PTPRT: variants seen among roughly 807,000 people sequenced by gnomAD.
PTPRT encodes the protein protein tyrosine phosphatase receptor type T, also known as receptor-type tyrosine-protein phosphatase T.
In PTPRT, 56 loss-of-function variants were observed where a neutral mutation model predicts 176.8. That is an observed-to-expected ratio of 0.32 (90% CI 0.26 to 0.40). PTPRT has a LOEUF of 0.40. Among genes scored for constraint, PTPRT ranks in the 10% least tolerant of loss-of-function variants. PTPRT has a pLI of 1.00. For synonymous variants in PTPRT, 783 were observed against 739.0 expected (o/e 1.06, Z -0.96); for missense variants, 1,540 against 1,908.2 (o/e 0.81, Z 3.60).
intron 2 of PTPRT, among the ~76,000 whole-genome samples, chr20:42,829,408 G>A (rs559326857): frequency 3.3e-5 from 5 of 152,328 alleles, no homozygotes; most frequent in African/African-American, 1.2e-4. Context: ...ATGCTGGAAT[G>A]AGATAAGACT....
At chr20:42,281,759 T>C (rs1210431932) in intron 13 of PTPRT, among the ~76,000 whole-genome samples, 2 of 152,158 alleles carry the variant, frequency 1.3e-5, no homozygotes, top group African/African-American at 2.4e-5. Flanking sequence ...GTTGTGTGTG[T>C]ATGGGGAGGG....
chr20:42,177,841 C>T (rs543202751), intron 16 of PTPRT, among the ~76,000 whole-genome samples: 3 of 152,008 alleles, frequency 2.0e-5, no homozygotes, highest in South Asian at 4.2e-4. Flanking sequence ...CTCCCTCCTT[C>T]TCTTCTCCCT....
intron 9 of PTPRT, among the ~76,000 whole-genome samples, chr20:42,382,677 T>G (rs1600927509): frequency 6.6e-6 from 1 of 150,402 alleles, no homozygotes; most frequent in African/African-American, 2.5e-5. Flanking sequence ...GAGAGTAAGG[T>G]GGGGAACAGG....
intron 7 of PTPRT, among the ~76,000 whole-genome samples, chr20:42,608,703 C>T (rs1367852600): frequency 1.3e-5 from 2 of 152,172 alleles, no homozygotes; most frequent in Non-Finnish European, 2.9e-5. Flanking sequence ...GGCTGAAGGT[C>T]AGCCCAGCTG....
At chr20:42,558,643 C>G (rs889809496) in intron 7 of PTPRT, among the ~76,000 whole-genome samples, 3 of 152,076 alleles carry the variant, frequency 2.0e-5, no homozygotes, top group Non-Finnish European at 4.4e-5. Flanking sequence ...TCACACGGCA[C>G]AGAGGGGTAT....
chr20:42,503,288 T>G (rs1185891583), intron 7 of PTPRT, among the ~76,000 whole-genome samples: 1 of 152,096 alleles, frequency 6.6e-6, no homozygotes, highest in African/African-American at 2.4e-5. Context: ...TATTTGGATA[T>G]TCTTCATTAC....
intron 2 of PTPRT, among the ~76,000 whole-genome samples, chr20:42,799,222 G>T (rs1195414816): frequency 6.6e-6 from 1 of 151,952 alleles, no homozygotes; most frequent in African/African-American, 2.4e-5. Flanking sequence ...AGAAGCAGGA[G>T]ACATGAACTG....
At chr20:42,861,544 G>A (rs772652043) in intron 2 of PTPRT, among the ~76,000 whole-genome samples, 8 of 151,754 alleles carry the variant, frequency 5.3e-5, no homozygotes, top group Admixed American at 1.3e-4. Flanking sequence ...ACTGAGATCA[G>A]AACACATTAA....
intron 9 of PTPRT, among the ~76,000 whole-genome samples, chr20:42,358,694 A>G (rs2058390848): frequency 6.6e-6 from 1 of 152,154 alleles, no homozygotes; most frequent in Admixed American, 6.5e-5. Context: ...GCAAAGTAGA[A>G]AAGGTGCCTG....
At chr20:42,961,883 G>A (rs1982003365) in intron 1 of PTPRT, among the ~76,000 whole-genome samples, 2 of 152,282 alleles carry the variant, frequency 1.3e-5, no homozygotes, top group East Asian at 1.9e-4. Context: ...AGCGGGGCGG[G>A]AGGGTCAGAG....
intron 10 of PTPRT, 130 bp downstream of exon 10, chr20:42,351,954 C>CT (rs2058290440): frequency 2.5e-6 from 2 of 786,200 alleles, no homozygotes; most frequent in Admixed American, 5.0e-5. Flanking sequence ...TGGTAACTCA[C>CT]TAGGGACTGG....
intron 17 of PTPRT, among the ~76,000 whole-genome samples, chr20:42,143,578 G>A (rs993906506): frequency 6.7e-6 from 1 of 149,488 alleles, no homozygotes; most frequent in Non-Finnish European, 1.5e-5. Context: ...AAAAAAAGTT[G>A]TGGCAGTACT....
rs1354586377 is a variant in PTPRT at position 42,074,659 on chromosome 20, TTAGA to T, written c.*6216_*6219del. 1 of 397,360 alleles carries T rather than the reference TTAGA, an allele frequency of 2.5e-6. No individual in the cohort carries two copies. 24.6% of individuals were successfully genotyped at this position (397,360 alleles called of 1,614,324 possible). A position where few individuals can be genotyped will look rare whatever the true frequency, so the allele number is the denominator to read the frequency against. ...GCCCCAGTGGACCACCCCTGAGCTC[TTAGA>T]TAGGTGGGATGCTAGGTTTGGAGGC... is the stretch of plus-strand genomic sequence containing the variant. On this transcript the variant is annotated 3_prime_UTR_variant, in exon 31 of 31. Transcript: ENST00000373187.
chr20:42,665,092 G>C lies in PTPRT; in HGVS notation c.1153+12774C>G, dbSNP rs553505379. Among the ~76,000 whole-genome samples, 77 of 152,078 alleles carry C rather than the reference G, an allele frequency of 5.1e-4. 1 individual carries two copies. The highest frequency in any genetic ancestry group is 1.5e-3 in the African/African-American group (61 of 41,492). ...AGCAATGGCAACAAAAGCCAAAATT[G>C]ACAAATGGGATCTAATTAAACTAAA... On this transcript the variant is annotated intron_variant, in intron 7 of 30. Transcript: ENST00000373187.
chr20:42,267,004 G>T (rs985555938), intron 13 of PTPRT, among the ~76,000 whole-genome samples: 1 of 152,112 alleles, frequency 6.6e-6, no homozygotes, highest in African/African-American at 2.4e-5. Context: ...CTTTAATTTT[G>T]CTGCATATAA....
At chr20:42,440,685 G>A (rs1439324211) in intron 9 of PTPRT, among the ~76,000 whole-genome samples, 1 of 152,040 alleles carries the variant, frequency 6.6e-6, no homozygotes, top group African/African-American at 2.4e-5. Flanking sequence ...CACCGTGTTA[G>A]CCAGGATGGT....
At chr20:42,768,472 C>T (rs1182075804) in intron 5 of PTPRT, among the ~76,000 whole-genome samples, 1 of 152,182 alleles carries the variant, frequency 6.6e-6, no homozygotes, top group Non-Finnish European at 1.5e-5. Context: ...GGGAACAATT[C>T]CTGTCTGGCT....
chr20:42,801,236 G>A (rs1394985009), intron 2 of PTPRT, among the ~76,000 whole-genome samples: 4 of 152,140 alleles, frequency 2.6e-5, no homozygotes, highest in Admixed American at 2.6e-4. Context: ...AGCACTGAAG[G>A]TGCGTGTATC....
chr20:42,859,421 G>T (rs2078620905), intron 2 of PTPRT, among the ~76,000 whole-genome samples: 1 of 152,128 alleles, frequency 6.6e-6, no homozygotes, highest in African/African-American at 2.4e-5. Context: ...TACCAACAGT[G>T]TATGGCCACC....
Sources: allele counts gnomAD v4.1 joint callset (sites outside exome capture counted in the v4.1 genomes callset), GRCh38; gene constraint gnomAD v4.1.1; transcripts MANE v1.5; gene names NCBI Gene and HGNC (gene_info 2026-07-23, HGNC 2026-07-21).